Variants in RNF217 observed in about 807,000 individuals in gnomAD.
RNF217 encodes E3 ubiquitin-protein ligase RNF217.
A neutral mutation model predicts 57.8 loss-of-function variants in RNF217; 31 were observed. The observed-to-expected ratio is 0.54, with a 90% CI of 0.40 to 0.72. RNF217 has a LOEUF of 0.72. RNF217 is among the 30% of genes least tolerant of loss of function. RNF217 has a pLI of 0.00. For synonymous variants in RNF217, 313 were observed against 294.0 expected (o/e 1.06, Z -0.66); for missense variants, 696 against 708.3 (o/e 0.98, Z 0.20).
intron 1 of RNF217, among the ~76,000 whole-genome samples, chr6:125,019,969 G>A (rs1459594309): frequency 6.6e-6 from 1 of 152,040 alleles, no homozygotes; most frequent in Non-Finnish European, 1.5e-5. Context: ...AGTAACCCTG[G>A]GCGAGGGACT....
chr6:125,082,635 G>T (rs1211866732), intron 5 of RNF217: 1 of 1,566,074 alleles, frequency 6.4e-7, no homozygotes, highest in Non-Finnish European at 8.6e-7. Flanking sequence ...TTTGATATTT[G>T]GATAGAAATC....
intron 1 of RNF217, among the ~76,000 whole-genome samples, chr6:125,013,697 C>T (rs1486683722): frequency 1.3e-5 from 2 of 151,890 alleles, no homozygotes; most frequent in African/African-American, 2.4e-5. Flanking sequence ...TATATAATAC[C>T]AAGAATACTC....
intron 1 of RNF217, among the ~76,000 whole-genome samples, chr6:124,999,585 G>A (rs1463607117): frequency 6.6e-6 from 1 of 152,026 alleles, no homozygotes; most frequent in Non-Finnish European, 1.5e-5. Context: ...TATAACTACA[G>A]TCAAGCCAGG....
chr6:124,987,535 G>A (rs1356751938), intron 1 of RNF217, among the ~76,000 whole-genome samples: 2 of 152,146 alleles, frequency 1.3e-5, no homozygotes, highest in Admixed American at 6.6e-5. Flanking sequence ...AAATTTCAAG[G>A]TCCAAAAAAT....
At chr6:124,989,142 T>A (rs1050144763) in intron 1 of RNF217, among the ~76,000 whole-genome samples, 1 of 152,120 alleles carries the variant, frequency 6.6e-6, no homozygotes, top group Non-Finnish European at 1.5e-5. Flanking sequence ...AAGTTCTGTG[T>A]GATGGAATTT....
At chr6:124,993,419 T>G (rs1784633521) in intron 1 of RNF217, among the ~76,000 whole-genome samples, 1 of 152,222 alleles carries the variant, frequency 6.6e-6, no homozygotes, top group African/African-American at 2.4e-5. Context: ...TTAGCCCATC[T>G]GTTAACCAAA....
intron 1 of RNF217, chr6:125,009,120 TA>T: frequency 9.7e-7 from 1 of 1,027,504 alleles, no homozygotes; most frequent in Non-Finnish European, 1.4e-6. Flanking sequence ...AATGTATGTA[TA>T]AAGGGATTTG....
chr6:125,013,221 C>G (rs1270211824), intron 1 of RNF217, among the ~76,000 whole-genome samples: 1 of 151,796 alleles, frequency 6.6e-6, no homozygotes. Flanking sequence ...TGAGAAGAAA[C>G]AGGTAATAAA....
At chr6:124,989,094 C>T (rs1327594347) in intron 1 of RNF217, among the ~76,000 whole-genome samples, 1 of 152,110 alleles carries the variant, frequency 6.6e-6, no homozygotes, top group Non-Finnish European at 1.5e-5. Context: ...TGAAAAGTTA[C>T]TTTGGTGCAG....
chr6:124,980,667 C>T (rs1043562369), intron 1 of RNF217, among the ~76,000 whole-genome samples: 1 of 151,082 alleles, frequency 6.6e-6, no homozygotes, highest in East Asian at 1.9e-4. Context: ...CTGTTTTGAT[C>T]GTGCCTGTCC....
intron 1 of RNF217, among the ~76,000 whole-genome samples, chr6:124,997,727 CT>C (rs1194841234): frequency 6.6e-6 from 1 of 152,186 alleles, no homozygotes; most frequent in Admixed American, 6.5e-5. Context: ...AATCTGCTCG[CT>C]CTCTCTACAG....
At position 125,086,914 on chromosome 6, in the gene RNF217, T is replaced by A. The variant is rs1409952701; in HGVS notation, c.*3977T>A. 6.6e-6 allele frequency: 1 copy of A among 152,118 alleles called. No homozygotes were observed. The highest frequency in any genetic ancestry group is 1.5e-5 in the Non-Finnish European group (1 of 67,992). The allele number at this position is 152,118 out of a possible 1,614,324, so 9.4% of individuals were successfully genotyped here. On this transcript the variant is annotated 3_prime_UTR_variant, in exon 6 of 6. Coordinates refer to ENST00000521654, the MANE Select transcript of RNF217 (RefSeq NM_001286398.3). ...CCAATTGAGCCTTTATCTTTCAACC[T>A]TACCACCCAAGTATATGACCAACTG...
Position 125,090,167 on chromosome 6 carries a change from A to G in RNF217, c.*7230A>G, listed in dbSNP as rs1027494145. 2.6e-5 allele frequency: 4 copies of G among 152,110 alleles called. No individual in the cohort carries two copies. The highest frequency in any genetic ancestry group is 7.2e-5 in the African/African-American group (3 of 41,432). 9.4% of individuals were successfully genotyped at this position (152,110 alleles called of 1,614,324 possible). The stretch of plus-strand genomic sequence containing the variant: ...TATGTTTCACGTGAAACATAGAATA[A>G]TAATTAGTTTGTATATATATAAAAC... On this transcript the variant is annotated 3_prime_UTR_variant, in exon 6 of 6. Coordinates refer to ENST00000521654, the MANE Select transcript of RNF217 (RefSeq NM_001286398.3).
chr6:125,075,069 G>C (rs889906231), intron 3 of RNF217, among the ~76,000 whole-genome samples: 3 of 152,104 alleles, frequency 2.0e-5, no homozygotes, highest in African/African-American at 7.2e-5. Flanking sequence ...CCAACCTGTG[G>C]ACCACTTGCT....
chr6:125,026,489 T>C (rs1275008819), intron 1 of RNF217, among the ~76,000 whole-genome samples: 2 of 152,190 alleles, frequency 1.3e-5, no homozygotes, highest in East Asian at 1.9e-4. Context: ...ATTGTGATAA[T>C]AGGATAAATT....
At position 125,027,390 on chromosome 6, in the gene RNF217, A is replaced by T. The variant is rs565689209; in HGVS notation, c.883-17821A>T. 2.0e-5 allele frequency among the ~76,000 whole-genome samples: 3 copies of T among 152,320 alleles called. No homozygotes were observed. The South Asian group carries it at 6.2e-4, about 32-fold the overall frequency. ...GATGTGATTTTTAGATCCCAGAAAT[A>T]AGTGAGAACATGCAATGTTTGTCTT... On this transcript the variant is annotated intron_variant, in intron 1 of 5. Transcript: ENST00000521654.
At chr6:125,078,126 C>T (rs1341781493) in intron 4 of RNF217, among the ~76,000 whole-genome samples, 2 of 152,082 alleles carry the variant, frequency 1.3e-5, no homozygotes, top group South Asian at 2.1e-4. Flanking sequence ...CAGTGCGTGC[C>T]GCTTCTTAAT....
At chr6:125,013,347 GTGTA>G (rs869169403) in intron 1 of RNF217, among the ~76,000 whole-genome samples, 1,081 of 78,186 alleles carry the variant, frequency 0.014, 20 homozygotes, top group African/African-American at 0.059. Flanking sequence ...TGCATGTTTT[GTGTA>G]TGTGTGTGTG....
At chr6:125,009,985 CTTTT>C (rs66917505) in intron 1 of RNF217, among the ~76,000 whole-genome samples, 2 of 138,950 alleles carry the variant, frequency 1.4e-5, no homozygotes, top group African/African-American at 2.7e-5. Context: ...GCTTAGCATT[CTTTT>C]TTTTTTTTTT....
Sources: gnomAD v4.1 joint callset for allele counts (sites outside exome capture counted in the v4.1 genomes callset) on GRCh38, gnomAD v4.1.1 for gene constraint, MANE v1.5 for transcripts, NCBI Gene and HGNC (gene_info 2026-07-23, HGNC 2026-07-21) for gene names.